UNC5B: variants seen among roughly 807,000 people sequenced by gnomAD.
The protein encoded by UNC5B is netrin receptor UNC5B.
Under a neutral mutation model 103.7 loss-of-function variants are expected in UNC5B, and 56 were observed. That is an observed-to-expected ratio of 0.54 (90% CI 0.44 to 0.67). UNC5B has a LOEUF of 0.67. Ranked by LOEUF, UNC5B falls within the 30% of genes least tolerant of loss-of-function variation. The pLI is 0.00. For missense variants in UNC5B, 1,194 were observed against 1,284.5 expected, an observed-to-expected ratio of 0.93 and a Z score of 1.08; for synonymous variants, 577 against 542.0, an observed-to-expected ratio of 1.06 and a Z score of -0.90.
rs1284411506 is a variant in UNC5B, at chr10:71,302,823, T to C, written c.*3546T>C. The C allele has an allele frequency of 1.3e-5, 2 of 152,224 alleles. No homozygotes were observed. Among genetic ancestry groups the C allele is most frequent in the Non-Finnish European group, 2.9e-5 (2 of 68,030 alleles). 9.4% of individuals were successfully genotyped at this position (152,224 alleles called of 1,614,324 possible). On this transcript the variant is annotated 3_prime_UTR_variant, in exon 17 of 17. Coordinates refer to ENST00000335350, the MANE Select transcript of UNC5B (RefSeq NM_170744.5). ...CTTTAGCATTCCTATTGTAACAAAATTAATTTTTATGAAATAAATTATATT... is the reference window on the plus strand; with the variant it reads ...CTTTAGCATTCCTATTGTAACAAAACTAATTTTTATGAAATAAATTATATT...
At position 71,291,108 on chromosome 10, in the gene UNC5B, C is replaced by T. The variant is rs1459943981; in HGVS notation, c.1293C>T (p.Pro431=). Residue 431 remains proline (P), a splice_region_variant and synonymous_variant, in exon 9 of 17, where the codon CCC becomes CCT. Coordinates refer to ENST00000335350, the MANE Select transcript of UNC5B (RefSeq NM_170744.5). ...FHPVNFKTAR[P]SNPQLLHPSV... is the part of the protein sequence containing the mutation. ...CCGTCAACTTTAAGACGGCAAGGCCCAGTAAGAACCCGAGGATGTCTGGGG... is the reference window on the plus strand; with the variant it reads ...CCGTCAACTTTAAGACGGCAAGGCCTAGTAAGAACCCGAGGATGTCTGGGG... 1.2e-6 allele frequency: 2 copies of T among 1,611,604 alleles called. No homozygotes were observed. The highest frequency in any genetic ancestry group is 1.3e-5 in the African/African-American group (1 of 74,868).
rs1223848128 is a variant in UNC5B at position 71,213,143 on chromosome 10, T to C, written c.79+79T>C. 17 of 1,130,992 alleles carry C rather than the reference T, an allele frequency of 1.5e-5. No individual in the cohort carries two copies. In the African/African-American group the frequency reaches 2.1e-4, roughly 14 times the overall value. The allele number at this position is 1,130,992 out of a possible 1,614,324, so 70.1% of individuals were successfully genotyped here. Reference sequence around the variant, plus strand: ...TCTGTCCTGAAGTTGAGGTGGTCTTTCGTCGCATCGATGCGCGCAGGAAAA... The same window carrying C: ...TCTGTCCTGAAGTTGAGGTGGTCTTCCGTCGCATCGATGCGCGCAGGAAAA... On this transcript the variant is annotated intron_variant, in intron 1 of 16. Coordinates refer to ENST00000335350, the MANE Select transcript of UNC5B (RefSeq NM_170744.5). This position sits in a 1 kb window ranked among gnomAD's most constrained non-coding sequence, Gnocchi z 4.1.
At chr10:71,290,613 G>T (rs577518220) in intron 8 of UNC5B, among the ~76,000 whole-genome samples, 1 of 152,360 alleles carries the variant, frequency 6.6e-6, no homozygotes, top group East Asian at 1.9e-4. Flanking sequence ...GTGACTCTGA[G>T]CCACAGACCC....
intron 1 of UNC5B, among the ~76,000 whole-genome samples, chr10:71,275,452 G>A (rs1287940260): frequency 5.3e-5 from 8 of 152,212 alleles, no homozygotes; most frequent in Admixed American, 4.6e-4. Context: ...CCATCGACCA[G>A]GTGACCCTTC....
chr10:71,229,684 A>T (rs1469536037), intron 1 of UNC5B, among the ~76,000 whole-genome samples: 1 of 152,128 alleles, frequency 6.6e-6, no homozygotes, highest in Non-Finnish European at 1.5e-5. Flanking sequence ...TCTCCCTCTC[A>T]CTTCCCTGGA....
rs1255729539 is a variant in UNC5B, at chr10:71,293,812, A to G, written c.2054A>G (p.Glu685Gly). Residue 685 changes from glutamate (E) to glycine (G), a missense_variant, in exon 13 of 17, where the codon GAG becomes GGG. By Grantham distance (98) the Glu-to-Gly change is moderately conservative (BLOSUM62 -2). Coordinates refer to ENST00000335350, the MANE Select transcript of UNC5B (RefSeq NM_170744.5). ...DQLGTYVFTG[E>G]SYSRSAVKRL... ...CTGGGCACCTACGTGTTCACGGGCGAGTCCTATTCCCGCTCAGCAGTCAAG... is the reference window on the plus strand; with the variant it reads ...CTGGGCACCTACGTGTTCACGGGCGGGTCCTATTCCCGCTCAGCAGTCAAG... 3.1e-6 allele frequency: 5 copies of G among 1,610,930 alleles called. No individual in the cohort carries two copies. The Admixed American group carries it at 6.7e-5, about 22-fold the overall frequency.
chr10:71,255,755 C>T (rs1382525118), intron 1 of UNC5B, among the ~76,000 whole-genome samples: 1 of 152,252 alleles, frequency 6.6e-6, no homozygotes, highest in African/African-American at 2.4e-5. Context: ...TGAATTCTCA[C>T]CCTTTCCAAA....
intron 1 of UNC5B, among the ~76,000 whole-genome samples, chr10:71,224,415 A>ACACACACACACACG (rs1354437814): frequency 1.2e-4 from 18 of 149,568 alleles, no homozygotes; most frequent in African/African-American, 4.5e-4. Flanking sequence ...ACACACACAC[A>ACACACACACACACG]CGAAATGACA....
At chr10:71,273,077 C>G (rs1348811012) in intron 1 of UNC5B, among the ~76,000 whole-genome samples, 1 of 152,228 alleles carries the variant, frequency 6.6e-6, no homozygotes, top group African/African-American at 2.4e-5. Context: ...TTAGTAGAGA[C>G]AGGCTTTCGC....
chr10:71,237,605 G>A (rs1019900352), intron 1 of UNC5B, among the ~76,000 whole-genome samples: 15 of 152,180 alleles, frequency 9.9e-5, no homozygotes, highest in Non-Finnish European at 8.8e-5. Flanking sequence ...GCAATCCTGA[G>A]TGCATTAACT....
At position 71,220,157 on chromosome 10, in the gene UNC5B, CTG is replaced by C. The variant is rs1216701289; in HGVS notation, c.79+7096_79+7097del. On this transcript the variant is annotated intron_variant, in intron 1 of 16. Coordinates refer to ENST00000335350, the MANE Select transcript of UNC5B (RefSeq NM_170744.5). ...CGAACCCTCTCAGCTGCTTCTGACT[CTG>C]TGGGCTAGGACCATGGCAGGCCCTG... Among the ~76,000 whole-genome samples the C allele has an allele frequency of 1.4e-4, 21 of 152,328 alleles. No individual in the cohort carries two copies. In the East Asian group the frequency reaches 1.7e-3, roughly 13 times the overall value.
intron 1 of UNC5B, among the ~76,000 whole-genome samples, chr10:71,262,086 C>A (rs1233989136): frequency 6.6e-6 from 1 of 152,130 alleles, no homozygotes; most frequent in Non-Finnish European, 1.5e-5. Flanking sequence ...GAGACCGCAG[C>A]CCCAGCCTGA....
chr10:71,295,160 C>A (rs905049715), intron 13 of UNC5B, among the ~76,000 whole-genome samples: 7 of 152,232 alleles, frequency 4.6e-5, no homozygotes, highest in African/African-American at 1.7e-4. Context: ...GCTGGGAGGA[C>A]CCTGGCTTGA....
chr10:71,249,744 G>C (rs1449738988), intron 1 of UNC5B, among the ~76,000 whole-genome samples: 3 of 152,214 alleles, frequency 2.0e-5, no homozygotes, highest in African/African-American at 7.2e-5. Flanking sequence ...TGGTGGGGTA[G>C]TCCATTATAC....
chr10:71,228,796 C>T (rs963889928), intron 1 of UNC5B, among the ~76,000 whole-genome samples: 2 of 152,230 alleles, frequency 1.3e-5, no homozygotes, highest in Non-Finnish European at 2.9e-5. Context: ...CATTGTCTCA[C>T]TCAGTCCTTG....
intron 1 of UNC5B, among the ~76,000 whole-genome samples, chr10:71,230,336 C>CA (rs1484632381): frequency 1.3e-5 from 2 of 152,158 alleles, no homozygotes; most frequent in African/African-American, 4.8e-5. Context: ...GACCCCTGAA[C>CA]ACACAGAGAA....
intron 8 of UNC5B, 139 bp downstream of exon 8, chr10:71,289,129 C>T (rs1845179026): frequency 3.5e-6 from 4 of 1,130,694 alleles, no homozygotes; most frequent in South Asian, 1.4e-5. Context: ...CTACACCTGA[C>T]ACTGCATGTG....
intron 1 of UNC5B, among the ~76,000 whole-genome samples, chr10:71,258,875 A>G (rs571759353): frequency 6.6e-6 from 1 of 152,112 alleles, no homozygotes; most frequent in Admixed American, 6.5e-5. Context: ...GAGCATCCCA[A>G]TCCCCTCTTG....
At chr10:71,288,758 T>C (rs752876702) in intron 7 of UNC5B, 26 bp downstream of exon 7, 1 of 1,583,908 alleles carries the variant, frequency 6.3e-7, no homozygotes, top group Non-Finnish European at 8.6e-7. Flanking sequence ...GGTGGGGCCC[T>C]GGGGGTGGGG....
Sources: gnomAD v4.1 joint callset for allele counts (sites outside exome capture counted in the v4.1 genomes callset) on GRCh38, gnomAD v4.1.1 for gene constraint, Gnocchi (gnomAD v3.1) non-coding constraint, MANE v1.5 for transcripts, NCBI Gene and HGNC (gene_info 2026-07-23, HGNC 2026-07-21) for gene names.